The following CNBP variants were observed in gnomAD, a reference collection of about 807,000 sequenced individuals.
CNBP encodes cellular nucleic acid-binding protein.
CNBP carries 6 observed loss-of-function variants against 21.2 expected under a neutral mutation model. That is an observed-to-expected ratio of 0.28 (90% CI 0.16 to 0.56). The LOEUF is 0.56. Among genes scored for constraint, CNBP ranks in the 20% least tolerant of loss-of-function variants. The probability of loss-of-function intolerance (pLI) is 0.93; values close to 1 mark genes in which losing one functional copy is unlikely to be tolerated. For missense variants in CNBP, 112 were observed against 233.1 expected, an observed-to-expected ratio of 0.48 and a Z score of 3.38; for synonymous variants, 61 against 74.9, an observed-to-expected ratio of 0.81 and a Z score of 0.96.
chr3:129,177,969 G>T (rs1044122104), intron 1 of CNBP, among the ~76,000 whole-genome samples: 2 of 152,036 alleles, frequency 1.3e-5, no homozygotes, highest in Admixed American at 1.3e-4. Flanking sequence ...AGACCAGCTA[G>T]CCAACATGGT....
chr3:129,182,806 A>G (rs1938394102), intron 1 of CNBP, among the ~76,000 whole-genome samples: 1 of 152,128 alleles, frequency 6.6e-6, no homozygotes, highest in African/African-American at 2.4e-5. Context: ...CAAGCAACTT[A>G]GTATTTAAAT....
At chr3:129,170,969 G>A in intron 4 of CNBP, 110 bp downstream of exon 4, 1 of 1,136,726 alleles carries the variant, frequency 8.8e-7, no homozygotes, top group Non-Finnish European at 1.2e-6. Context: ...GTCTTATCTG[G>A]TCACAGCTAA....
Position 129,180,380 on chromosome 3 carries a change from TCAC to T in CNBP, c.-15+3393_-15+3395del, listed in dbSNP as rs1467276994. ...AACTTCATGGCAGAACTTAGGAGTC[TCAC>T]CAAACACACAAACACTGGCAACTTG... On this transcript the variant is annotated intron_variant, in intron 1 of 4. Coordinates refer to ENST00000422453, the MANE Select transcript of CNBP (RefSeq NM_003418.5). Among the ~76,000 whole-genome samples, 21 of 152,348 alleles carry T rather than the reference TCAC, an allele frequency of 1.4e-4. 1 individual carries two copies. The highest frequency in any genetic ancestry group is 2.6e-4 in the African/African-American group (11 of 41,584).
intron 1 of CNBP, among the ~76,000 whole-genome samples, chr3:129,177,445 T>C (rs1395154084): frequency 6.6e-6 from 1 of 152,180 alleles, no homozygotes; most frequent in Non-Finnish European, 1.5e-5. Flanking sequence ...AAAAGGGAAA[T>C]AATAAAACTG....
At position 129,172,652 on chromosome 3, in the gene CNBP, G is replaced by C. The variant is rs149330768; in HGVS notation, c.-14-881C>G. On this transcript the variant is annotated intron_variant, in intron 1 of 4. Transcript: ENST00000422453. ...GGCAGGCAGGCAGGCAGGCAGGCAG[G>C]CAGGCAGACAGACAGACAGACAGAC... Among the ~76,000 whole-genome samples, 147 of 108,914 alleles carry C rather than the reference G, an allele frequency of 1.3e-3. 3 individuals carry two copies. The highest frequency in any genetic ancestry group is 4.5e-3 in the African/African-American group (130 of 29,006). The allele number at this position is 108,914 out of a possible 152,430, so 71.5% of individuals were successfully genotyped here. A position where few individuals can be genotyped will look rare whatever the true frequency, so the allele number is the denominator to read the frequency against.
chr3:129,170,702 G>A (rs961696175), intron 4 of CNBP, 132 bp from the exon 5 acceptor site: 47 of 706,110 alleles, frequency 6.7e-5, no homozygotes, highest in Non-Finnish European at 1.1e-4. Flanking sequence ...TCACAGATAT[G>A]TACACAACAA....
rs10587328 is a variant in CNBP at position 129,181,239 on chromosome 3, CAAAAAAAAAAAAA to C, written c.-15+2524_-15+2536del. Reference sequence around the variant, plus strand: ...TGGCCGACAGAGAAAGACTCTGTCTCAAAAAAAAAAAAAAAAAAAAAAAAAAAGACAAGTAGAA... The same window carrying C: ...TGGCCGACAGAGAAAGACTCTGTCTCAAAAAAAAAAAAAAGACAAGTAGAA... On this transcript the variant is annotated intron_variant, in intron 1 of 4. Coordinates refer to ENST00000422453, the MANE Select transcript of CNBP (RefSeq NM_003418.5). 8.1e-4 allele frequency among the ~76,000 whole-genome samples: 43 copies of C among 53,176 alleles called. 1 individual carries two copies. The highest frequency in any genetic ancestry group is 3.2e-3 in the African/African-American group (38 of 11,900). The allele number at this position is 53,176 out of a possible 152,430, so 34.9% of individuals were successfully genotyped here. A position where few individuals can be genotyped will look rare whatever the true frequency, so the allele number is the denominator to read the frequency against.
chr3:129,175,512 C>T (rs1252532569), intron 1 of CNBP, among the ~76,000 whole-genome samples: 2 of 150,606 alleles, frequency 1.3e-5, no homozygotes, highest in Non-Finnish European at 1.5e-5. Context: ...TCACTGCAAC[C>T]TTCACCTCCT....
chr3:129,174,409 T>C (rs1937752859), intron 1 of CNBP, among the ~76,000 whole-genome samples: 1 of 140,212 alleles, frequency 7.1e-6, no homozygotes, highest in South Asian at 2.2e-4. Context: ...CTCACACCTG[T>C]AATCCCAGCA....
Position 129,172,880 on chromosome 3 carries a change from C to A in CNBP, c.-14-1109G>T, listed in dbSNP as rs75806745. Among the ~76,000 whole-genome samples the A allele has an allele frequency of 3.3e-5, 5 of 152,200 alleles. No homozygotes were observed. In the East Asian group the frequency reaches 9.6e-4, roughly 29 times the overall value. On this transcript the variant is annotated intron_variant, in intron 1 of 4. Coordinates refer to ENST00000422453, the MANE Select transcript of CNBP (RefSeq NM_003418.5). ...ATTGGAATAACCCAAACCAATGAAG[C>A]TGTAAAATGGATTCTCGGAGTGAGG... is the stretch of plus-strand genomic sequence containing the variant.
At chr3:129,174,096 A>G (rs1380486526) in intron 1 of CNBP, among the ~76,000 whole-genome samples, 2 of 152,166 alleles carry the variant, frequency 1.3e-5, no homozygotes, top group African/African-American at 4.8e-5. Flanking sequence ...TTCTTAGAGA[A>G]ATCTTTCTAC....
At chr3:129,172,946 C>T (rs149861138) in intron 1 of CNBP, among the ~76,000 whole-genome samples, 42 of 152,238 alleles carry the variant, frequency 2.8e-4, no homozygotes, top group African/African-American at 1.0e-3. Flanking sequence ...TAGCACCTGA[C>T]GTAGTACCTA....
chr3:129,170,877 C>G (rs1937555351), intron 4 of CNBP, among the ~76,000 whole-genome samples: 1 of 152,156 alleles, frequency 6.6e-6, no homozygotes, highest in African/African-American at 2.4e-5. Context: ...GAAAACTGCC[C>G]AGGTACCATA....
chr3:129,181,486 T>C (rs1938289385), intron 1 of CNBP, among the ~76,000 whole-genome samples: 1 of 149,396 alleles, frequency 6.7e-6, no homozygotes, highest in Non-Finnish European at 1.5e-5. Context: ...ACCCCGTCTG[T>C]ACTAAAATAC....
In CNBP at chr3:129,171,644, G is replaced by A. The variant is rs1227602805; in HGVS notation, c.114C>T (p.Thr38=). The A allele has an allele frequency of 1.2e-6, 2 of 1,614,208 alleles. No individual in the cohort carries two copies. Among genetic ancestry groups the A allele is most frequent in the Non-Finnish European group, 1.7e-6 (2 of 1,180,036 alleles). ...GMRSRGRGGF[T]SDRGFQFVSS... is the part of the protein sequence containing the mutation. ...TATTCGACAAAATACCTCTATCCGA[G>A]GTAAAACCACCTCTGCCACGGCTTC... Residue 38 remains threonine (T), a synonymous_variant, in exon 2 of 5, where the codon ACC becomes ACT. Transcript: ENST00000422453.
chr3:129,174,565 G>A (rs527915114), intron 1 of CNBP, among the ~76,000 whole-genome samples: 15 of 150,920 alleles, frequency 9.9e-5, no homozygotes, highest in Middle Eastern at 3.4e-3. Context: ...CTCAGGAGGC[G>A]GAGGCAGGAT....
rs1459591872 is a variant in CNBP, at chr3:129,168,926, CT to C, written c.*1526del. Among the ~76,000 whole-genome samples the C allele has an allele frequency of 8.0e-6, 1 of 124,934 alleles. No homozygotes were observed. Among genetic ancestry groups the C allele is most frequent in the African/African-American group, 2.8e-5 (1 of 35,454 alleles). 82.0% of individuals were successfully genotyped at this position (124,934 alleles called of 152,430 possible). On this transcript the variant is annotated 3_prime_UTR_variant, in exon 5 of 5. Transcript: ENST00000422453. Reference sequence around the variant, plus strand: ...CCTGGCTAACACCGTGAAACCCCGTCTTTACTAAAAATACAAAAAAAAAAAA... The same window carrying C: ...CCTGGCTAACACCGTGAAACCCCGTCTTACTAAAAATACAAAAAAAAAAAA...
Position 129,170,437 on chromosome 3 carries a change from C to T in CNBP, c.*16G>A, listed in dbSNP as rs762869420. 5.6e-6 allele frequency: 9 copies of T among 1,595,660 alleles called. No homozygotes were observed. The East Asian group carries it at 6.7e-5, about 12-fold the overall frequency. ...AACCATCAATCAGAAAAAGGAGGGG[C>T]GACAAAGGAAAATAATTAGGCTGTA... On this transcript the variant is annotated 3_prime_UTR_variant, in exon 5 of 5. Transcript: ENST00000422453.
chr3:129,177,705 C>A (rs904375500), intron 1 of CNBP, among the ~76,000 whole-genome samples: 1 of 152,108 alleles, frequency 6.6e-6, no homozygotes, highest in Non-Finnish European at 1.5e-5. Context: ...GGAGAAACAC[C>A]GGTGATTTCC....
Sources: allele counts gnomAD v4.1 joint callset (sites outside exome capture counted in the v4.1 genomes callset), GRCh38; gene constraint gnomAD v4.1.1; transcripts MANE v1.5; gene names NCBI Gene and HGNC (gene_info 2026-07-23, HGNC 2026-07-21).